The following ATP1A4 variants were observed in gnomAD, a reference collection of about 807,000 sequenced individuals.
ATP1A4 encodes the protein ATPase Na+/K+ transporting subunit alpha 4, also known as sodium/potassium-transporting ATPase subunit alpha-4.
Under a neutral mutation model 114.3 loss-of-function variants are expected in ATP1A4, and 90 were observed. That is an observed-to-expected ratio of 0.79 (90% CI 0.66 to 0.94). The LOEUF (loss-of-function observed/expected upper bound fraction) is 0.94, where lower values mean the gene tolerates loss of function less well. ATP1A4 is among the 40% of genes least tolerant of loss of function. The pLI, the probability that ATP1A4 is intolerant of heterozygous loss-of-function variation, is 0.00. For missense variants in ATP1A4, 1,222 were observed against 1,313.6 expected (o/e 0.93, Z 1.08); for synonymous variants, 511 against 494.1 (o/e 1.03, Z -0.45).
In ATP1A4 at chr1:160,177,335, A is replaced by C. The variant is rs1185806364; in HGVS notation, c.2591-184A>C. On this transcript the variant is annotated intron_variant, in intron 17 of 21. Coordinates refer to ENST00000368081, the MANE Select transcript of ATP1A4 (RefSeq NM_144699.4). ...AGAAACAAATGTCAGGGCTTGAAGG[A>C]AAGTCCCACAGAGATGAGAGATAAC... 8 of 556,206 alleles carry C rather than the reference A, an allele frequency of 1.4e-5. No individual in the cohort carries two copies. In the Admixed American group the frequency reaches 1.9e-4, roughly 13 times the overall value. 34.5% of individuals were successfully genotyped at this position (556,206 alleles called of 1,614,324 possible).
At chr1:160,160,605 A>T (rs934008868) in intron 6 of ATP1A4, among the ~76,000 whole-genome samples, 3 of 152,190 alleles carry the variant, frequency 2.0e-5, no homozygotes, top group Admixed American at 6.6e-5. Context: ...ACCAGATATT[A>T]TCCCTATTTT....
chr1:160,169,409 G>A (rs551467494), intron 10 of ATP1A4, among the ~76,000 whole-genome samples: 2 of 152,158 alleles, frequency 1.3e-5, no homozygotes, highest in South Asian at 2.1e-4. Context: ...TCACCTCCTG[G>A]GCCCTTCACT....
chr1:160,162,572 A>T (rs1442957944), intron 6 of ATP1A4, among the ~76,000 whole-genome samples: 2 of 152,202 alleles, frequency 1.3e-5, no homozygotes, highest in Non-Finnish European at 2.9e-5. Flanking sequence ...GTTGTGCGGG[A>T]CAGGAGAGCT....
chr1:160,153,048 G>A, intron 1 of ATP1A4, 117 bp from the exon 2 acceptor site: 2 of 804,256 alleles, frequency 2.5e-6, no homozygotes, highest in Non-Finnish European at 4.2e-6. Context: ...ATTGCAGGGA[G>A]CTTACAAAAT....
intron 21 of ATP1A4, 51 bp from the exon 22 acceptor site, chr1:160,186,620 G>C (rs1258939808): frequency 6.3e-7 from 1 of 1,592,388 alleles, no homozygotes; most frequent in East Asian, 2.3e-5. Context: ...GTCTCCCCTG[G>C]ATGCCTCTAA....
chr1:160,163,978 C>T (rs1652943899), intron 6 of ATP1A4, among the ~76,000 whole-genome samples, 178 bp from the exon 7 acceptor site: 1 of 152,150 alleles, frequency 6.6e-6, no homozygotes, highest in African/African-American at 2.4e-5. Context: ...ACAAGGGTCT[C>T]AGGAGCTCTG....
rs1557805282 is a variant in ATP1A4, at chr1:160,174,710, T to G, written c.2274T>G (p.Asp758Glu). The change falls in exon 15 of 22, where the codon GAT (aspartate) becomes GAG (glutamate). Residue 758 changes from aspartate to glutamate, a missense_variant. Asp to Glu is a conservative substitution (Grantham distance 45). Transcript: ENST00000368081. ...AGGCAGCCGACATGATCCTGCTGGATGACAACTTTGCCTCCATCGTCACGG... is the reference window on the plus strand; with the variant it reads ...AGGCAGCCGACATGATCCTGCTGGAGGACAACTTTGCCTCCATCGTCACGG... ...SKQAADMILL[D>E]DNFASIVTGV... 1 of 1,614,148 alleles carries G rather than the reference T, an allele frequency of 6.2e-7. No individual in the cohort carries two copies.
At chr1:160,179,939 C>G (rs920079820) in intron 18 of ATP1A4, among the ~76,000 whole-genome samples, 1 of 152,080 alleles carries the variant, frequency 6.6e-6, no homozygotes, top group African/African-American at 2.4e-5. Context: ...CTTGAAATTA[C>G]AGAGAAATAA....
At position 160,167,244 on chromosome 1, in the gene ATP1A4, C is replaced by G. The variant is rs778610837; in HGVS notation, c.1357-34C>G. 3.8e-6 allele frequency: 6 copies of G among 1,581,984 alleles called. No individual in the cohort carries two copies. In the South Asian group the frequency reaches 7.0e-5, roughly 18 times the overall value. ...ATGCCTCATGCCCAGGTAGCATGCC[C>G]CTGGGGCTTACTATACAAACCCCAT... is the stretch of plus-strand genomic sequence containing the variant. On this transcript the variant is annotated intron_variant, in intron 9 of 21. Transcript: ENST00000368081.
chr1:160,172,030 GCAA>G (rs1238808389), intron 12 of ATP1A4, among the ~76,000 whole-genome samples: 1 of 152,120 alleles, frequency 6.6e-6, no homozygotes, highest in Non-Finnish European at 1.5e-5. Context: ...TAGGATCCTG[GCAA>G]CAGTATTTTT....
At position 160,173,585 on chromosome 1, in the gene ATP1A4, T is replaced by C; in HGVS notation, c.1859T>C (p.Ile620Thr). 6.2e-7 allele frequency: 1 copy of C among 1,613,400 alleles called. No homozygotes were observed. The highest frequency in any genetic ancestry group is 1.1e-5 in the South Asian group (1 of 91,048). The change falls in exon 13 of 22, where the codon ATC (isoleucine) becomes ACC (threonine). Residue 620 changes from isoleucine (I) to threonine (T), a missense_variant. Ile to Thr is a moderately conservative substitution (Grantham distance 89). Coordinates refer to ENST00000368081, the MANE Select transcript of ATP1A4 (RefSeq NM_144699.4). ...SKCRSAGIKV[I>T]MVTGDHPITA... The stretch of plus-strand genomic sequence containing the variant: ...TCCCTCTCCTTCCCAACCCAGGTGA[T>C]CATGGTAACAGGAGATCATCCCATT...
chr1:160,181,906 A>G, intron 19 of ATP1A4, 24 bp from the exon 20 acceptor site: 1 of 1,613,598 alleles, frequency 6.2e-7, no homozygotes, highest in Non-Finnish European at 8.5e-7. Context: ...CCTCCCCGCC[A>G]CACCCATGAA....
At position 160,156,172 on chromosome 1, in the gene ATP1A4, G is replaced by A. The variant is rs769244626; in HGVS notation, c.525+14G>A. On this transcript the variant is annotated intron_variant, in intron 4 of 21. Transcript: ENST00000368081. ...ATGGTGCCTCAGGTAGGATTGGAGTGGGAGGATCTAGTGGGAGCAGGAGCA... is the reference window on the plus strand; with the variant it reads ...ATGGTGCCTCAGGTAGGATTGGAGTAGGAGGATCTAGTGGGAGCAGGAGCA... The A allele has an allele frequency of 5.2e-6, 8 of 1,552,724 alleles. No individual in the cohort carries two copies. The South Asian group carries it at 8.9e-5, about 17-fold the overall frequency.
chr1:160,152,329 T>TAAAA, intron 1 of ATP1A4, 142 bp downstream of exon 1: 4 of 683,100 alleles, frequency 5.9e-6, no homozygotes, highest in South Asian at 5.6e-5. Context: ...AGGAGAGGGT[T>TAAAA]AAAAAAAAAA....
At chr1:160,159,687 C>T (rs1652802411) in intron 6 of ATP1A4, among the ~76,000 whole-genome samples, 161 bp downstream of exon 6, 1 of 152,264 alleles carries the variant, frequency 6.6e-6, no homozygotes, top group Non-Finnish European at 1.5e-5. Flanking sequence ...TCAAGGTCAT[C>T]ATTTCCACAT....
chr1:160,174,314 C>G (rs141803374), intron 14 of ATP1A4, 53 bp downstream of exon 14: 46,382 of 1,609,602 alleles, frequency 0.029, 836 homozygotes, highest in Non-Finnish European at 0.035. Context: ...TGTGGCTTAG[C>G]CCCGTCCCAA....
In ATP1A4 at chr1:160,177,541, A is replaced by T. The variant is rs1367127181; in HGVS notation, c.2613A>T (p.Gly871=). Residue 871 remains glycine, a synonymous_variant, in exon 18 of 22, where the codon GGA becomes GGT. Transcript: ENST00000368081. ...CAGGGATGATCCAGGCTCTGGCTGGATTCTTTACCTACTTTGTAATCCTGG... is the reference window on the plus strand; with the variant it reads ...CAGGGATGATCCAGGCTCTGGCTGGTTTCTTTACCTACTTTGTAATCCTGG... ...GQIGMIQALA[G]FFTYFVILAE... is the part of the protein sequence containing the mutation. 1 of 1,614,110 alleles carries T rather than the reference A, an allele frequency of 6.2e-7. No homozygotes were observed. The highest frequency in any genetic ancestry group is 2.2e-5 in the East Asian group (1 of 44,882).
intron 1 of ATP1A4, among the ~76,000 whole-genome samples, chr1:160,152,562 C>T (rs1261449165): frequency 6.6e-6 from 1 of 152,166 alleles, no homozygotes; most frequent in Non-Finnish European, 1.5e-5. Context: ...CTTGTTTCCA[C>T]AGAATATAAT....
Position 160,159,537 on chromosome 1 carries a change from A to T in ATP1A4, c.778+11A>T. ...CCAACTGTGTGGAAGGTGAATATCG[A>T]ACCATAAGTAGCATAGATTCAAAAG... On this transcript the variant is annotated intron_variant, in intron 6 of 21. Coordinates refer to ENST00000368081, the MANE Select transcript of ATP1A4 (RefSeq NM_144699.4). The T allele has an allele frequency of 6.3e-7, 1 of 1,599,518 alleles. No homozygotes were observed.
Sources: allele counts gnomAD v4.1 joint callset (sites outside exome capture counted in the v4.1 genomes callset), GRCh38; gene constraint gnomAD v4.1.1; transcripts MANE v1.5; gene names NCBI Gene and HGNC (gene_info 2026-07-23, HGNC 2026-07-21).